Variants in ABLIM1 observed in about 807,000 individuals in gnomAD.
The protein encoded by ABLIM1 is actin binding LIM protein 1, also known as actin-binding LIM protein 1.
A neutral mutation model predicts 107.0 loss-of-function variants in ABLIM1; 40 were observed. That is an observed-to-expected ratio of 0.37 (90% CI 0.29 to 0.49). ABLIM1 has a LOEUF of 0.49. Among genes scored for constraint, ABLIM1 ranks in the 20% least tolerant of loss-of-function variants. The pLI is 0.97. For synonymous variants in ABLIM1, 357 were observed against 357.3 expected (o/e 1.00, Z 0.01); for missense variants, 857 against 1,008.5 (o/e 0.85, Z 2.04).
chr10:114,572,052 A>G (rs2071760006), intron 3 of ABLIM1, among the ~76,000 whole-genome samples: 1 of 152,254 alleles, frequency 6.6e-6, no homozygotes, highest in Non-Finnish European at 1.5e-5. Flanking sequence ...ATTCATCAAT[A>G]GCAGCACATT....
intron 1 of ABLIM1, among the ~76,000 whole-genome samples, chr10:114,605,472 A>G (rs2076346290): frequency 6.6e-6 from 1 of 152,178 alleles, no homozygotes; most frequent in Non-Finnish European, 1.5e-5. Context: ...GAAACTGAGG[A>G]GCAAAGAGTT....
intron 1 of ABLIM1, among the ~76,000 whole-genome samples, chr10:114,728,092 T>C (rs1413122328): frequency 6.6e-6 from 1 of 152,178 alleles, no homozygotes; most frequent in African/African-American, 2.4e-5. Context: ...AAGATACTAA[T>C]AGTCGGTTCA....
intron 6 of ABLIM1, among the ~76,000 whole-genome samples, chr10:114,500,143 T>C (rs192130234): frequency 6.6e-6 from 1 of 152,304 alleles, no homozygotes; most frequent in Non-Finnish European, 1.5e-5. Context: ...CCTACAGCCT[T>C]ACTAACTGCG....
At chr10:114,533,909 C>T (rs963887296) in intron 6 of ABLIM1, among the ~76,000 whole-genome samples, 2 of 152,188 alleles carry the variant, frequency 1.3e-5, no homozygotes, top group African/African-American at 4.8e-5. Flanking sequence ...AACTCTTGTT[C>T]TCAAGTGATC....
intron 1 of ABLIM1, among the ~76,000 whole-genome samples, chr10:114,665,476 T>C (rs185828110): frequency 3.3e-5 from 5 of 152,296 alleles, no homozygotes; most frequent in Admixed American, 6.5e-5. Context: ...TCACACAAGT[T>C]GATGGGAAGG....
intron 1 of ABLIM1, among the ~76,000 whole-genome samples, chr10:114,669,403 C>A (rs1486002225): frequency 6.6e-6 from 1 of 152,156 alleles, no homozygotes; most frequent in East Asian, 1.9e-4. Context: ...GGTAATTAAC[C>A]TCACCTAAGA....
chr10:114,499,684 G>A (rs1167896909), intron 6 of ABLIM1, among the ~76,000 whole-genome samples: 1 of 152,174 alleles, frequency 6.6e-6, no homozygotes, highest in Non-Finnish European at 1.5e-5. Context: ...ACACTGGTCT[G>A]GGTGGTACCA....
intron 10 of ABLIM1, among the ~76,000 whole-genome samples, chr10:114,472,223 G>A (rs904233658): frequency 7.9e-5 from 12 of 152,082 alleles, no homozygotes; most frequent in African/African-American, 1.9e-4. Flanking sequence ...CACCCTATCT[G>A]TTTTACAGAT....
At chr10:114,553,618 T>C (rs2068357681) in intron 4 of ABLIM1, among the ~76,000 whole-genome samples, 1 of 152,092 alleles carries the variant, frequency 6.6e-6, no homozygotes, top group Admixed American at 6.5e-5. Context: ...CAGGATCCTG[T>C]TAGAAGGAGG....
intron 6 of ABLIM1, among the ~76,000 whole-genome samples, chr10:114,538,642 G>A (rs758752638): frequency 6.6e-5 from 10 of 152,200 alleles, no homozygotes; most frequent in Non-Finnish European, 1.5e-4. Context: ...GTGAGGAAAG[G>A]GAAATCGTGG....
intron 8 of ABLIM1, among the ~76,000 whole-genome samples, chr10:114,476,032 T>C (rs940577530): frequency 3.3e-5 from 5 of 152,220 alleles, no homozygotes; most frequent in Admixed American, 2.6e-4. Flanking sequence ...CTGTTCACAG[T>C]TGAAGCAATG....
chr10:114,709,148 T>C (rs964275884), intron 1 of ABLIM1, among the ~76,000 whole-genome samples: 2 of 152,294 alleles, frequency 1.3e-5, no homozygotes, highest in East Asian at 3.9e-4. Context: ...ACTTTTACTG[T>C]TTACTATGGT....
intron 4 of ABLIM1, among the ~76,000 whole-genome samples, chr10:114,552,079 C>T (rs918176594): frequency 2.6e-5 from 4 of 152,060 alleles, no homozygotes; most frequent in Non-Finnish European, 4.4e-5. Flanking sequence ...AAGGGAATAC[C>T]AGCCCACGTG....
At chr10:114,550,640 A>G (rs1043434449) in intron 4 of ABLIM1, among the ~76,000 whole-genome samples, 4 of 152,178 alleles carry the variant, frequency 2.6e-5, no homozygotes, top group Non-Finnish European at 4.4e-5. Flanking sequence ...TAGTAATGAC[A>G]TGTACCCGCT....
chr10:114,561,529 C>T (rs1349751701), intron 4 of ABLIM1, among the ~76,000 whole-genome samples: 2 of 152,160 alleles, frequency 1.3e-5, no homozygotes, highest in African/African-American at 4.8e-5. Flanking sequence ...CCCAGCCACC[C>T]AGTTCTCTCT....
At chr10:114,567,584 A>G (rs1591274989) in intron 4 of ABLIM1, among the ~76,000 whole-genome samples, 1 of 152,350 alleles carries the variant, frequency 6.6e-6, no homozygotes, top group South Asian at 2.1e-4. Context: ...AAAGCAGAAC[A>G]ATACAGACAT....
intron 1 of ABLIM1, among the ~76,000 whole-genome samples, chr10:114,639,194 A>T (rs1236796654): frequency 6.6e-6 from 1 of 152,156 alleles, no homozygotes; most frequent in Non-Finnish European, 1.5e-5. Flanking sequence ...ACACACAACC[A>T]TTACTGCATT....
At chr10:114,501,424 T>A (rs556510802) in intron 6 of ABLIM1, among the ~76,000 whole-genome samples, 2 of 152,320 alleles carry the variant, frequency 1.3e-5, no homozygotes, top group African/African-American at 4.8e-5. Flanking sequence ...CCCATGACTT[T>A]ATATATCCTC....
chr10:114,798,564 C>CCCCCG, the ABLIM1 span, among the ~76,000 whole-genome samples: 1 of 149,198 alleles, frequency 6.7e-6, no homozygotes, highest in South Asian at 2.2e-4. Flanking sequence ...AGACCCCCCC[C>CCCCCG]CCATGTCTAC....
Sources: allele counts gnomAD v4.1 joint callset (sites outside exome capture counted in the v4.1 genomes callset), GRCh38; gene constraint gnomAD v4.1.1; transcripts MANE v1.5; gene names NCBI Gene and HGNC (gene_info 2026-07-23, HGNC 2026-07-21).